The following DLGAP2 variants were observed in gnomAD, a reference collection of about 807,000 sequenced individuals.
The protein encoded by DLGAP2 is disks large-associated protein 2.
DLGAP2 carries 26 observed loss-of-function variants against 100.3 expected under a neutral mutation model. That is an observed-to-expected ratio of 0.26 (90% CI 0.19 to 0.36). The LOEUF (loss-of-function observed/expected upper bound fraction) is 0.36. DLGAP2 is among the 10% of genes least tolerant of loss of function. The pLI is 1.00. For missense variants in DLGAP2, 1,858 were observed against 1,453.2 expected, an observed-to-expected ratio of 1.28 and a Z score of -4.53; for synonymous variants, 886 against 630.1, an observed-to-expected ratio of 1.41 and a Z score of -6.08.
chr8:1,002,486 T>C (rs560321151), intron 2 of DLGAP2: 1 of 152,226 alleles, frequency 6.6e-6, no homozygotes, highest in Non-Finnish European at 1.5e-5. Context: ...TGCAGTAACT[T>C]GTGGAATGAC....
chr8:1,679,942 T>C (rs1021458723), intron 12 of DLGAP2, among the ~76,000 whole-genome samples: 1 of 129,518 alleles, frequency 7.7e-6, no homozygotes, highest in Non-Finnish European at 1.5e-5. Flanking sequence ...ATCGTGCCAT[T>C]GCACTCCAGC....
chr8:1,669,161 T>G (rs1798624309), intron 9 of DLGAP2, among the ~76,000 whole-genome samples: 1 of 152,204 alleles, frequency 6.6e-6, no homozygotes, highest in Admixed American at 6.5e-5. Context: ...CTACAGAAAT[T>G]GGACGTGCTC....
chr8:1,171,253 G>A (rs62488966), intron 2 of DLGAP2, among the ~76,000 whole-genome samples: 28,290 of 152,090 alleles, frequency 0.19, 2,817 homozygotes, highest in Middle Eastern at 0.34. Context: ...GAGATAGTTT[G>A]TTATAATTTC....
At chr8:1,596,046 C>T (rs566015444) in intron 6 of DLGAP2, among the ~76,000 whole-genome samples, 2 of 149,624 alleles carry the variant, frequency 1.3e-5, no homozygotes, top group Non-Finnish European at 1.5e-5. Context: ...CAACAGGCCC[C>T]TGTGTGTGAT....
chr8:1,322,009 A>G (rs749688331), intron 3 of DLGAP2, among the ~76,000 whole-genome samples: 3 of 152,196 alleles, frequency 2.0e-5, no homozygotes, highest in Non-Finnish European at 4.4e-5. Flanking sequence ...TAGAGATTAG[A>G]ATTTATATCT....
intron 1 of DLGAP2, among the ~76,000 whole-genome samples, chr8:870,218 A>G (rs1797571649): frequency 6.6e-6 from 1 of 152,082 alleles, no homozygotes; most frequent in African/African-American, 2.4e-5. Context: ...TCTCGCCGAT[A>G]TTTCTCCTGA....
At chr8:1,514,972 C>T (rs1177121360) in intron 4 of DLGAP2, among the ~76,000 whole-genome samples, 2 of 150,964 alleles carry the variant, frequency 1.3e-5, no homozygotes, top group Admixed American at 6.6e-5. Flanking sequence ...CGTGCAGGGA[C>T]ACCAACGTGT....
chr8:767,087 G>T (rs572535238), intron 1 of DLGAP2, among the ~76,000 whole-genome samples: 1 of 152,110 alleles, frequency 6.6e-6, no homozygotes, highest in African/African-American at 2.4e-5. Context: ...TTAGATCCAG[G>T]GTGCCATCCC....
chr8:1,333,368 G>A (rs1166394916), intron 3 of DLGAP2, among the ~76,000 whole-genome samples: 1 of 152,140 alleles, frequency 6.6e-6, no homozygotes, highest in Non-Finnish European at 1.5e-5. Flanking sequence ...GGAAGCAGAG[G>A]TTGAAGAGGT....
At chr8:1,503,693 C>CT (rs796355860) in intron 4 of DLGAP2, among the ~76,000 whole-genome samples, 14 of 152,278 alleles carry the variant, frequency 9.2e-5, no homozygotes, top group African/African-American at 3.4e-4. Context: ...AACCTCCACA[C>CT]TGCTTAGGGA....
intron 2 of DLGAP2, among the ~76,000 whole-genome samples, chr8:1,243,722 T>G (rs994085178): frequency 1.3e-5 from 2 of 152,132 alleles, no homozygotes; most frequent in African/African-American, 2.4e-5. Flanking sequence ...GCCCTGATCC[T>G]CCTCAAGTCC....
chr8:927,359 T>G (rs761979488), intron 2 of DLGAP2, among the ~76,000 whole-genome samples: 1 of 152,054 alleles, frequency 6.6e-6, no homozygotes, highest in East Asian at 1.9e-4. Context: ...CTGTAGCACT[T>G]TGTGGGGGTG....
chr8:1,453,814 A>G (rs1798230012), intron 3 of DLGAP2, among the ~76,000 whole-genome samples: 1 of 152,262 alleles, frequency 6.6e-6, no homozygotes, highest in Admixed American at 6.5e-5. Context: ...TCATGCAAGA[A>G]TTATGAAGAA....
chr8:1,167,523 A>G (rs1398427686), intron 2 of DLGAP2, among the ~76,000 whole-genome samples: 1 of 152,224 alleles, frequency 6.6e-6, no homozygotes, highest in Non-Finnish European at 1.5e-5. Context: ...TTGCAGACCC[A>G]GGGGATCTTA....
intron 2 of DLGAP2, among the ~76,000 whole-genome samples, chr8:1,130,995 A>T (rs1286559898): frequency 2.0e-5 from 3 of 152,056 alleles, no homozygotes; most frequent in Non-Finnish European, 4.4e-5. Flanking sequence ...AGCACAGCTT[A>T]CTCCGTACAC....
Position 1,669,730 on chromosome 8 carries a change from T to G in DLGAP2, c.2161-13T>G. ...ACCAGGTCTCCACACTGTGGCTTCA[T>G]TGTTTTGTTTAGGATTCTGAATTCC... On this transcript the variant is annotated splice_polypyrimidine_tract_variant and intron_variant, in intron 9 of 14. Coordinates refer to ENST00000637795, the MANE Select transcript of DLGAP2 (RefSeq NM_001346810.2). 1.3e-6 allele frequency: 1 copy of G among 780,836 alleles called. No individual in the cohort carries two copies. The highest frequency in any genetic ancestry group is 2.4e-6 in the Non-Finnish European group (1 of 417,934). The allele number at this position is 780,836 out of a possible 1,614,324, so 48.4% of individuals were successfully genotyped here.
intron 1 of DLGAP2, among the ~76,000 whole-genome samples, chr8:892,332 A>G (rs1436150237): frequency 2.6e-5 from 4 of 152,128 alleles, no homozygotes; most frequent in Admixed American, 2.0e-4. Context: ...ATGGGTGAAG[A>G]GCGGCCCATC....
At chr8:1,261,385 G>C (rs1451267528) in intron 3 of DLGAP2, among the ~76,000 whole-genome samples, 4 of 143,744 alleles carry the variant, frequency 2.8e-5, no homozygotes, top group South Asian at 2.2e-4. Context: ...TCTTTAAAAT[G>C]AGACAGACTG....
chr8:1,180,876 TTG>T (rs1287950692), intron 2 of DLGAP2, among the ~76,000 whole-genome samples: 2 of 26,946 alleles, frequency 7.4e-5, no homozygotes, highest in Middle Eastern at 0.016. Flanking sequence ...GTGGTGCATG[TTG>T]TGTGTAAGGG....
Sources: allele counts gnomAD v4.1 joint callset (sites outside exome capture counted in the v4.1 genomes callset), GRCh38; gene constraint gnomAD v4.1.1; transcripts MANE v1.5; gene names NCBI Gene and HGNC (gene_info 2026-07-23, HGNC 2026-07-21).